The following SBF2 variants were observed in gnomAD, a reference collection of about 807,000 sequenced individuals.
SBF2 encodes the protein SET binding factor 2.
Under a neutral mutation model 225.2 loss-of-function variants are expected in SBF2, and 112 were observed. The observed-to-expected ratio is 0.50, with a 90% CI of 0.43 to 0.58. The LOEUF (loss-of-function observed/expected upper bound fraction) is 0.58. Ranked by LOEUF, SBF2 falls within the 20% of genes least tolerant of loss-of-function variation. The probability of loss-of-function intolerance (pLI) is 0.00; values close to 1 mark genes in which losing one functional copy is unlikely to be tolerated. For synonymous variants in SBF2, 763 were observed against 773.3 expected (o/e 0.99, Z 0.22); for missense variants, 1,996 against 2,206.2 (o/e 0.90, Z 1.91).
At chr11:10,165,662 T>C (rs984115707) in intron 2 of SBF2, among the ~76,000 whole-genome samples, 4 of 152,186 alleles carry the variant, frequency 2.6e-5, no homozygotes, top group African/African-American at 9.7e-5. Flanking sequence ...CTAGATAGTA[T>C]CTAAAATCTC....
chr11:10,041,184 G>T (rs1949637638), intron 3 of SBF2, among the ~76,000 whole-genome samples: 1 of 152,070 alleles, frequency 6.6e-6, no homozygotes, highest in African/African-American at 2.4e-5. Context: ...AAGATCAACA[G>T]AGAAACGAAA....
At chr11:10,202,549 G>C (rs962293285) in intron 1 of SBF2, among the ~76,000 whole-genome samples, 1 of 152,214 alleles carries the variant, frequency 6.6e-6, no homozygotes, top group Non-Finnish European at 1.5e-5. Context: ...ACTTTGGGAG[G>C]CCGAGGCGGG....
At chr11:10,147,051 T>TAAA (rs201320634) in intron 2 of SBF2, among the ~76,000 whole-genome samples, 24 of 108,518 alleles carry the variant, frequency 2.2e-4, no homozygotes, top group African/African-American at 2.1e-4. Flanking sequence ...TATTAAAAAG[T>TAAA]AAAAAAAAAA....
chr11:10,105,516 A>C (rs1952508418), intron 2 of SBF2, among the ~76,000 whole-genome samples: 1 of 152,264 alleles, frequency 6.6e-6, no homozygotes, highest in Non-Finnish European at 1.5e-5. Flanking sequence ...TGTACAATGT[A>C]AACATGGTAT....
At chr11:10,133,227 G>A (rs1420283223) in intron 2 of SBF2, among the ~76,000 whole-genome samples, 2 of 149,544 alleles carry the variant, frequency 1.3e-5, no homozygotes, top group Admixed American at 6.8e-5. Context: ...AGACTCAGGA[G>A]CCCAGCTGGC....
At chr11:10,186,210 C>G (rs1020131179) in intron 2 of SBF2, among the ~76,000 whole-genome samples, 4 of 152,140 alleles carry the variant, frequency 2.6e-5, no homozygotes, top group Admixed American at 6.5e-5. Context: ...AGGGACCATG[C>G]CCTCTCTCAG....
In SBF2 at chr11:9,963,964, CT is replaced by C. The variant is rs1866742493; in HGVS notation, c.1601-83del. The C allele has an allele frequency of 8.4e-6, 7 of 832,400 alleles. No individual in the cohort carries two copies. The Admixed American group carries it at 1.4e-4, about 17-fold the overall frequency. The allele number at this position is 832,400 out of a possible 1,614,324, so 51.6% of individuals were successfully genotyped here. A position where few individuals can be genotyped will look rare whatever the true frequency, so the allele number is the denominator to read the frequency against. On this transcript the variant is annotated intron_variant, in intron 14 of 39. Transcript: ENST00000256190. ...AAGCAAAGAGACTACTACTTTAAGA[CT>C]GTAGGTTGGGCGTGGAGGCTCACAC...
chr11:10,145,330 G>A (rs1954835939), intron 2 of SBF2, among the ~76,000 whole-genome samples: 1 of 152,046 alleles, frequency 6.6e-6, no homozygotes, highest in Non-Finnish European at 1.5e-5. Flanking sequence ...TACATTGCAG[G>A]CTCAGGGATC....
chr11:10,130,085 AG>A (rs1953962284), intron 2 of SBF2, among the ~76,000 whole-genome samples: 1 of 152,076 alleles, frequency 6.6e-6, no homozygotes, highest in African/African-American at 2.4e-5. Flanking sequence ...ACACCTCGCC[AG>A]GCGCAGTGGC....
intron 20 of SBF2, among the ~76,000 whole-genome samples, chr11:9,853,000 A>T (rs1857066496): frequency 6.6e-6 from 1 of 152,318 alleles, no homozygotes; most frequent in East Asian, 1.9e-4. Flanking sequence ...AGGGAGAAGT[A>T]ACTCAAATGT....
At chr11:9,936,570 T>C (rs1252752021) in intron 16 of SBF2, among the ~76,000 whole-genome samples, 3 of 152,168 alleles carry the variant, frequency 2.0e-5, no homozygotes, top group African/African-American at 7.2e-5. Flanking sequence ...CCATCAATGA[T>C]AGACTGGATT....
intron 6 of SBF2, among the ~76,000 whole-genome samples, chr11:10,012,068 T>C (rs1356515864): frequency 6.6e-6 from 1 of 152,242 alleles, no homozygotes; most frequent in Non-Finnish European, 1.5e-5. Flanking sequence ...ATCATTTCTA[T>C]TGGTCTTTCA....
intron 27 of SBF2, 111 bp from the exon 28 acceptor site, chr11:9,829,607 G>T: frequency 1.0e-6 from 1 of 987,284 alleles, no homozygotes; most frequent in Non-Finnish European, 1.6e-6. Flanking sequence ...TCTCTATATA[G>T]TCTACAAGTT....
intron 1 of SBF2, among the ~76,000 whole-genome samples, chr11:10,252,670 C>A (rs931781220): frequency 6.6e-6 from 1 of 152,052 alleles, no homozygotes; most frequent in Non-Finnish European, 1.5e-5. Flanking sequence ...ATTAGCCGGG[C>A]ATGGTGGCAG....
chr11:9,953,554 C>G (rs538267550), intron 16 of SBF2, among the ~76,000 whole-genome samples: 164 of 152,232 alleles, frequency 1.1e-3, no homozygotes, highest in African/African-American at 3.9e-3. Flanking sequence ...AGATTGGAGA[C>G]TATTATTCTA....
chr11:10,257,102 A>G (rs1451293212), intron 1 of SBF2, among the ~76,000 whole-genome samples: 1 of 152,198 alleles, frequency 6.6e-6, no homozygotes, highest in Non-Finnish European at 1.5e-5. Context: ...AGGCCCAGAA[A>G]GGTTAAGTTC....
intron 16 of SBF2, among the ~76,000 whole-genome samples, chr11:9,943,142 C>T (rs1865382309): frequency 6.6e-6 from 1 of 152,008 alleles, no homozygotes; most frequent in South Asian, 2.1e-4. Context: ...TGAAAAGACA[C>T]AGTATGAAAT....
At chr11:9,917,065 T>TA (rs146753594) in intron 16 of SBF2, among the ~76,000 whole-genome samples, 31,051 of 151,216 alleles carry the variant, frequency 0.21, 4,126 homozygotes, top group Non-Finnish European at 0.3. Flanking sequence ...TATTTTCATT[T>TA]AAAAAAAACT....
chr11:10,235,310 G>A (rs1013582374), intron 1 of SBF2, among the ~76,000 whole-genome samples: 3 of 152,188 alleles, frequency 2.0e-5, no homozygotes, highest in Admixed American at 6.5e-5. Flanking sequence ...CAAGGCAGGT[G>A]GATCACCTGA....
Sources: allele counts gnomAD v4.1 joint callset (sites outside exome capture counted in the v4.1 genomes callset), GRCh38; gene constraint gnomAD v4.1.1; transcripts MANE v1.5; gene names NCBI Gene and HGNC (gene_info 2026-07-23, HGNC 2026-07-21).